The following MARCHF8 variants were observed in gnomAD, a reference collection of about 807,000 sequenced individuals.
MARCHF8 encodes membrane associated ring-CH-type finger 8, also known as E3 ubiquitin-protein ligase MARCHF8.
In MARCHF8, 40 loss-of-function variants were observed where a neutral mutation model predicts 51.6. The ratio of observed to expected loss-of-function variants is 0.77; its 90% CI spans 0.60 to 1.01. MARCHF8 has a LOEUF of 1.01. MARCHF8 is among the 50% of genes least tolerant of loss of function. The probability of loss-of-function intolerance (pLI) is 0.00; values close to 1 mark genes in which losing one functional copy is unlikely to be tolerated. For missense variants in MARCHF8, 685 were observed against 708.6 expected, an observed-to-expected ratio of 0.97 and a Z score of 0.38; for synonymous variants, 263 against 280.3, an observed-to-expected ratio of 0.94 and a Z score of 0.62.
chr10:45,503,991 C>CT (rs1225574077), intron 2 of MARCHF8, among the ~76,000 whole-genome samples: 2 of 152,160 alleles, frequency 1.3e-5, no homozygotes, highest in African/African-American at 2.4e-5. Context: ...TGGGGAGTGA[C>CT]TGCTAATGGG....
intron 1 of MARCHF8, among the ~76,000 whole-genome samples, chr10:45,571,455 C>T (rs952619569): frequency 2.0e-5 from 3 of 152,166 alleles, no homozygotes; most frequent in African/African-American, 7.2e-5. Context: ...TGGCCCCACC[C>T]TTTCTCCCTT....
chr10:45,521,584 A>G (rs2043706929), intron 2 of MARCHF8, among the ~76,000 whole-genome samples: 1 of 152,224 alleles, frequency 6.6e-6, no homozygotes, highest in Non-Finnish European at 1.5e-5. Context: ...GTGCAAACCA[A>G]TGTTTACATA....
intron 3 of MARCHF8, 23 bp downstream of exon 3, chr10:45,489,344 A>T: frequency 6.3e-7 from 1 of 1,594,312 alleles, no homozygotes; most frequent in Non-Finnish European, 8.6e-7. Context: ...GGTAATAAAT[A>T]ACATTTTTCA....
chr10:45,463,665 G>C lies in MARCHF8; in HGVS notation c.574C>G (p.Leu192Val). 1 of 1,550,762 alleles carries C rather than the reference G, an allele frequency of 6.4e-7. No homozygotes were observed. The highest frequency in any genetic ancestry group is 8.7e-7 in the Non-Finnish European group (1 of 1,147,034). ...GKLILPQDTC[L>V]RTNRFHHKEK... The stretch of plus-strand genomic sequence containing the variant: ...TTATGATGAAACCTGTTAGTTCTGA[G>C]ACACGTATCTTGAGGGAGTATTAAT... Residue 192 changes from leucine (L) to valine (V), a missense_variant, in exon 5 of 8, where the codon CTC (leucine) becomes GTC (valine). Coordinates refer to ENST00000453424, the MANE Select transcript of MARCHF8 (RefSeq NM_001282866.2).
chr10:45,524,690 A>C (rs2043762465), intron 2 of MARCHF8, among the ~76,000 whole-genome samples: 2 of 152,202 alleles, frequency 1.3e-5, no homozygotes, highest in Non-Finnish European at 2.9e-5. Flanking sequence ...CGTGATTATA[A>C]GGGATTTTTA....
At chr10:45,505,938 T>C (rs747980875) in intron 2 of MARCHF8, among the ~76,000 whole-genome samples, 22 of 152,228 alleles carry the variant, frequency 1.4e-4, no homozygotes, top group Non-Finnish European at 2.9e-4. Context: ...AATTTCAGAA[T>C]TGAAGTCATA....
At chr10:45,560,089 C>A (rs1012948927) in intron 1 of MARCHF8, among the ~76,000 whole-genome samples, 3 of 151,838 alleles carry the variant, frequency 2.0e-5, no homozygotes, top group African/African-American at 7.3e-5. Context: ...GGAGGTGAGG[C>A]TGAAAGAATA....
At chr10:45,487,611 CAAAAG>C (rs2043005642) in intron 3 of MARCHF8, among the ~76,000 whole-genome samples, 1 of 151,968 alleles carries the variant, frequency 6.6e-6, no homozygotes, top group Non-Finnish European at 1.5e-5. Context: ...AAAGGGACAG[CAAAAG>C]AAAAGAAATG....
At chr10:45,578,521 A>G (rs2133414093) in intron 1 of MARCHF8, among the ~76,000 whole-genome samples, 1 of 152,322 alleles carries the variant, frequency 6.6e-6, no homozygotes, top group East Asian at 1.9e-4. Flanking sequence ...ATCAATAGCT[A>G]CAGAAGGAAG....
chr10:45,462,464 C>T (rs182699093), intron 5 of MARCHF8, among the ~76,000 whole-genome samples: 2 of 152,318 alleles, frequency 1.3e-5, no homozygotes, highest in East Asian at 3.9e-4. Context: ...AAAAAAGAGG[C>T]TGGGAGATGC....
Position 45,464,285 on chromosome 10 carries a change from A to T in MARCHF8, c.196T>A (p.Ser66Thr). ...PSASAPAPVS[S>T]FSRTSITPSS... ...GGCGTGATAGAAGTGCGAGAGAAGG[A>T]GGACACCGGAGCCGGAGCTGATGCT... The change falls in exon 4 of 8, where the codon TCC becomes ACC. Residue 66 changes from serine (S) to threonine (T), a missense_variant. Physicochemically the swap from Ser to Thr is moderately conservative, Grantham distance 58. Transcript: ENST00000453424. 1 of 1,614,204 alleles carries T rather than the reference A, an allele frequency of 6.2e-7. No homozygotes were observed. Among genetic ancestry groups the T allele is most frequent in the Non-Finnish European group, 8.5e-7 (1 of 1,180,038 alleles).
intron 3 of MARCHF8, among the ~76,000 whole-genome samples, chr10:45,478,922 C>T (rs1298362012): frequency 6.6e-6 from 1 of 152,134 alleles, no homozygotes; most frequent in Non-Finnish European, 1.5e-5. Context: ...CCAAATTCTA[C>T]CAAACTTTCA....
chr10:45,492,298 T>TTC (rs200415009), intron 2 of MARCHF8, among the ~76,000 whole-genome samples: 2 of 142,844 alleles, frequency 1.4e-5, no homozygotes, highest in African/African-American at 5.3e-5. Context: ...CTTCTTCTTC[T>TTC]TTTTTTTTTT....
intron 2 of MARCHF8, among the ~76,000 whole-genome samples, chr10:45,503,620 G>C (rs2043324733): frequency 6.6e-6 from 1 of 151,566 alleles, no homozygotes; most frequent in Admixed American, 6.6e-5. Flanking sequence ...GCTATCTATA[G>C]GAAACTCGTT....
chr10:45,557,962 T>G (rs776334638), intron 1 of MARCHF8, among the ~76,000 whole-genome samples: 1 of 152,190 alleles, frequency 6.6e-6, no homozygotes, highest in African/African-American at 2.4e-5. Flanking sequence ...AGCTATAAAT[T>G]TGGTAATAAT....
At chr10:45,581,836 CAAA>C (rs1178493218) in intron 1 of MARCHF8, among the ~76,000 whole-genome samples, 1 of 149,624 alleles carries the variant, frequency 6.7e-6, no homozygotes, top group Admixed American at 6.7e-5. Flanking sequence ...AAAGATCACT[CAAA>C]AAGAAGAAAA....
chr10:45,524,127 G>A (rs1003527374), intron 2 of MARCHF8, among the ~76,000 whole-genome samples: 6 of 152,138 alleles, frequency 3.9e-5, no homozygotes, highest in African/African-American at 7.2e-5. Context: ...AGATGTAGCC[G>A]TTCAAATGGG....
At chr10:45,496,645 T>C (rs1158067427) in intron 2 of MARCHF8, among the ~76,000 whole-genome samples, 2 of 152,136 alleles carry the variant, frequency 1.3e-5, no homozygotes, top group Admixed American at 1.3e-4. Context: ...AATGTATTGT[T>C]GGGTTTGTAA....
At chr10:45,560,640 CTG>C (rs1174731655) in intron 1 of MARCHF8, among the ~76,000 whole-genome samples, 2 of 152,242 alleles carry the variant, frequency 1.3e-5, no homozygotes, top group African/African-American at 4.8e-5. Flanking sequence ...CCCTAGCTCA[CTG>C]TTTCATTGGA....
Sources: gnomAD v4.1 joint callset for allele counts (sites outside exome capture counted in the v4.1 genomes callset) on GRCh38, gnomAD v4.1.1 for gene constraint, MANE v1.5 for transcripts, NCBI Gene and HGNC (gene_info 2026-07-23, HGNC 2026-07-21) for gene names.